Variants in GABBR2 observed in about 807,000 individuals in gnomAD.
GABBR2 encodes the protein G-protein coupled receptor 51.
GABBR2 carries 23 observed loss-of-function variants against 105.6 expected under a neutral mutation model. The observed-to-expected ratio is 0.22, with a 90% CI of 0.16 to 0.31. The LOEUF (loss-of-function observed/expected upper bound fraction) is 0.31, where lower values mean the gene tolerates loss of function less well. GABBR2 is among the 10% of genes least tolerant of loss of function. GABBR2 has a pLI of 1.00. For synonymous variants in GABBR2, 478 were observed against 499.7 expected (o/e 0.96, Z 0.58); for missense variants, 734 against 1,245.5 (o/e 0.59, Z 6.18).
chr9:98,610,534 A>G (rs1829490745), intron 1 of GABBR2, among the ~76,000 whole-genome samples: 1 of 152,252 alleles, frequency 6.6e-6, no homozygotes, highest in Non-Finnish European at 1.5e-5. Flanking sequence ...GGAGGAGCTT[A>G]TCCTGTAATA....
At chr9:98,348,596 T>G (rs1039440843) in intron 13 of GABBR2, among the ~76,000 whole-genome samples, 3 of 152,254 alleles carry the variant, frequency 2.0e-5, no homozygotes, top group African/African-American at 7.2e-5. Flanking sequence ...CTTTGTGTTC[T>G]CTTCAATTTC....
chr9:98,385,749 T>C lies in GABBR2; in HGVS notation c.1553A>G (p.Tyr518Cys), dbSNP rs781165837. 1.2e-6 allele frequency: 2 copies of C among 1,610,022 alleles called. No individual in the cohort carries two copies. Among genetic ancestry groups the C allele is most frequent in the Non-Finnish European group, 8.5e-7 (1 of 1,176,262 alleles). The change falls in exon 11 of 19, where the codon TAC (tyrosine) becomes TGC (cysteine). Residue 518 changes from tyrosine (Y) to cysteine (C), a missense_variant. Physicochemically the swap from Tyr to Cys is radical, Grantham distance 194. This residue lies in a region of GABBR2 where 370 missense variants were observed against 648.9 expected (regional missense o/e 0.57). Coordinates refer to ENST00000259455, the MANE Select transcript of GABBR2 (RefSeq NM_005458.8). ...NQKLIKMSSP[Y>C]MNNLIILGGM... Reference sequence around the variant, plus strand: ...TCCAAGGATGATAAGGTTGTTCATGTATGGACTCGACATCTTTATGAGCCT... The same window carrying C: ...TCCAAGGATGATAAGGTTGTTCATGCATGGACTCGACATCTTTATGAGCCT...
intron 13 of GABBR2, among the ~76,000 whole-genome samples, chr9:98,343,773 T>G (rs1831255851): frequency 2.6e-5 from 4 of 151,756 alleles, no homozygotes; most frequent in Admixed American, 2.6e-4. Context: ...CAGGAGAATG[T>G]CGTGAACCCG....
chr9:98,663,799 A>G (rs1830299365), intron 1 of GABBR2, among the ~76,000 whole-genome samples: 1 of 152,152 alleles, frequency 6.6e-6, no homozygotes, highest in South Asian at 2.1e-4. Context: ...AAATATATAT[A>G]ATAATGACTC....
At chr9:98,331,399 T>C (rs1377346881) in intron 13 of GABBR2, among the ~76,000 whole-genome samples, 2 of 75,168 alleles carry the variant, frequency 2.7e-5, no homozygotes, top group African/African-American at 4.7e-5. Flanking sequence ...CCCTCTTCTT[T>C]TTTTTTTTTT....
chr9:98,536,463 T>C (rs1333137043), intron 3 of GABBR2, among the ~76,000 whole-genome samples: 1 of 152,070 alleles, frequency 6.6e-6, no homozygotes, highest in Non-Finnish European at 1.5e-5. Flanking sequence ...CCATAAGACT[T>C]GAAAAGGGGG....
chr9:98,294,564 C>T (rs996116325), intron 17 of GABBR2, among the ~76,000 whole-genome samples: 2 of 151,946 alleles, frequency 1.3e-5, no homozygotes, highest in African/African-American at 2.4e-5. Context: ...CTGCAACTTC[C>T]ACCTCCCAGG....
chr9:98,528,847 T>G (rs1828011835), intron 3 of GABBR2, among the ~76,000 whole-genome samples: 1 of 152,222 alleles, frequency 6.6e-6, no homozygotes, highest in Non-Finnish European at 1.5e-5. Flanking sequence ...GCATGATCTT[T>G]CTGGAGGACA....
chr9:98,346,131 G>A (rs2131415075), intron 13 of GABBR2, among the ~76,000 whole-genome samples: 1 of 152,336 alleles, frequency 6.6e-6, no homozygotes, highest in Non-Finnish European at 1.5e-5. Flanking sequence ...GGTGGCTGTA[G>A]CAATTTCTTA....
chr9:98,318,244 AAGC>A (rs1354964715), intron 13 of GABBR2, among the ~76,000 whole-genome samples: 1 of 152,174 alleles, frequency 6.6e-6, no homozygotes, highest in African/African-American at 2.4e-5. Context: ...CTGCATTTCT[AAGC>A]AGTTCCAGGG....
intron 7 of GABBR2, among the ~76,000 whole-genome samples, chr9:98,449,704 CA>C (rs1302135768): frequency 6.6e-6 from 1 of 152,162 alleles, no homozygotes. Context: ...AGGGGATTCT[CA>C]GAATGCTCTG....
intron 13 of GABBR2, among the ~76,000 whole-genome samples, chr9:98,357,348 T>TA (rs545667975): frequency 3.8e-4 from 58 of 152,268 alleles, no homozygotes; most frequent in African/African-American, 1.3e-3. Context: ...AAATAAAATT[T>TA]AAAAAATTAA....
At chr9:98,378,365 C>T (rs1831914626) in intron 11 of GABBR2, among the ~76,000 whole-genome samples, 3 of 152,188 alleles carry the variant, frequency 2.0e-5, no homozygotes. Context: ...ACCCTGCCAG[C>T]TGTGATGGAA....
intron 4 of GABBR2, among the ~76,000 whole-genome samples, chr9:98,483,998 A>C (rs1826986037): frequency 6.6e-6 from 1 of 152,236 alleles, no homozygotes; most frequent in Non-Finnish European, 1.5e-5. Flanking sequence ...TCCAGTGTGC[A>C]GCATCACGCA....
chr9:98,553,721 T>C (rs1418827403), intron 2 of GABBR2, among the ~76,000 whole-genome samples: 1 of 152,218 alleles, frequency 6.6e-6, no homozygotes, highest in Non-Finnish European at 1.5e-5. Context: ...CTTCTTCACT[T>C]AATGTGCAAA....
chr9:98,657,428 T>A (rs1381486307), intron 1 of GABBR2, among the ~76,000 whole-genome samples: 1 of 152,226 alleles, frequency 6.6e-6, no homozygotes, highest in Non-Finnish European at 1.5e-5. Context: ...CGTGGTCCAT[T>A]TCCCTTACGC....
chr9:98,659,363 A>G (rs1830223317), intron 1 of GABBR2, among the ~76,000 whole-genome samples: 1 of 152,038 alleles, frequency 6.6e-6, no homozygotes, highest in African/African-American at 2.4e-5. Flanking sequence ...ACATTGTTTT[A>G]TTCACTGGAG....
intron 3 of GABBR2, among the ~76,000 whole-genome samples, chr9:98,498,772 A>T (rs1323735859): frequency 1.3e-5 from 2 of 152,152 alleles, no homozygotes; most frequent in African/African-American, 4.8e-5. Flanking sequence ...AATGGGGGGA[A>T]AAAGTTAACT....
intron 8 of GABBR2, among the ~76,000 whole-genome samples, chr9:98,399,940 G>A (rs1832360897): frequency 6.6e-6 from 1 of 151,530 alleles, no homozygotes; most frequent in African/African-American, 2.4e-5. Context: ...TTGGGAGGCT[G>A]AGACAGCAGG....
Sources: allele counts gnomAD v4.1 joint callset (sites outside exome capture counted in the v4.1 genomes callset), GRCh38; gene constraint gnomAD v4.1.1; regional missense constraint gnomAD v4.1.1; transcripts MANE v1.5; gene names NCBI Gene and HGNC (gene_info 2026-07-23, HGNC 2026-07-21).